Variants in HP1BP3 observed in about 807,000 individuals in gnomAD.
The protein encoded by HP1BP3 is heterochromatin protein 1-binding protein 3.
A neutral mutation model predicts 62.5 loss-of-function variants in HP1BP3; 12 were observed. That is an observed-to-expected ratio of 0.19 (90% CI 0.12 to 0.31). HP1BP3 has a LOEUF of 0.31. HP1BP3 is among the 10% of genes least tolerant of loss of function. The pLI, the probability that HP1BP3 is intolerant of heterozygous loss-of-function variation, is 1.00. For synonymous variants in HP1BP3, 260 were observed against 237.8 expected (o/e 1.09, Z -0.86); for missense variants, 502 against 651.8 (o/e 0.77, Z 2.50).
chr1:20,752,408 C>T (rs1339653967), intron 9 of HP1BP3, among the ~76,000 whole-genome samples: 4 of 151,938 alleles, frequency 2.6e-5, no homozygotes, highest in East Asian at 2.0e-4. Context: ...GATTCTCCTG[C>T]GTCTACCTCC....
intron 11 of HP1BP3, among the ~76,000 whole-genome samples, chr1:20,745,898 C>A (rs970034496): frequency 3.9e-5 from 6 of 152,166 alleles, no homozygotes; most frequent in African/African-American, 1.4e-4. Flanking sequence ...TAAAATTAAT[C>A]CATAGTCATT....
At chr1:20,782,096 C>T (rs1188148245) in intron 1 of HP1BP3, among the ~76,000 whole-genome samples, 1 of 152,082 alleles carries the variant, frequency 6.6e-6, no homozygotes, top group African/African-American at 2.4e-5. Flanking sequence ...AAAATGCTAC[C>T]GTGAAGTCAA....
chr1:20,783,769 C>CAAAAAAAAAA (rs1164930528), intron 1 of HP1BP3, among the ~76,000 whole-genome samples: 1 of 53,136 alleles, frequency 1.9e-5, no homozygotes, highest in Non-Finnish European at 3.2e-5. Flanking sequence ...GACTCTGTCT[C>CAAAAAAAAAA]AAAAAAAAAA....
intron 6 of HP1BP3, among the ~76,000 whole-genome samples, chr1:20,770,358 T>C (rs940390660): frequency 6.6e-6 from 1 of 152,210 alleles, no homozygotes; most frequent in Non-Finnish European, 1.5e-5. Flanking sequence ...GGTCTCACTC[T>C]CACCGAGGCT....
chr1:20,756,642 T>C (rs1024665985), intron 9 of HP1BP3, among the ~76,000 whole-genome samples: 3 of 152,204 alleles, frequency 2.0e-5, no homozygotes, highest in Non-Finnish European at 4.4e-5. Context: ...TATGTTAATA[T>C]GTAATGGGTT....
intron 10 of HP1BP3, 137 bp from the exon 11 acceptor site, chr1:20,747,792 T>A (rs2055433643): frequency 1.6e-6 from 1 of 611,160 alleles, no homozygotes; most frequent in Non-Finnish European, 2.9e-6. Context: ...TCCTATGTGT[T>A]CAAAGGTATT....
chr1:20,746,722 T>C (rs979731477), intron 11 of HP1BP3, among the ~76,000 whole-genome samples: 2 of 152,172 alleles, frequency 1.3e-5, no homozygotes, highest in African/African-American at 4.8e-5. Context: ...GTCAATGTTC[T>C]CCCCACTTGG....
intron 4 of HP1BP3, 138 bp downstream of exon 4, chr1:20,776,459 C>A: frequency 1.3e-6 from 1 of 749,990 alleles, no homozygotes; most frequent in Non-Finnish European, 2.2e-6. Context: ...AAACCTATTT[C>A]AAATGGTAAT....
intron 7 of HP1BP3, among the ~76,000 whole-genome samples, chr1:20,767,086 A>G (rs1470979459): frequency 6.6e-6 from 1 of 152,194 alleles, no homozygotes; most frequent in Non-Finnish European, 1.5e-5. Flanking sequence ...TGGGAGGCAG[A>G]GGCGGGCAGA....
chr1:20,776,885 G>T, intron 3 of HP1BP3, 135 bp from the exon 4 acceptor site: 1 of 664,808 alleles, frequency 1.5e-6, no homozygotes, highest in Non-Finnish European at 2.4e-6. Context: ...GAAAATGAAT[G>T]ACCACTAATG....
rs2055123533 is a variant in HP1BP3 at position 20,742,901 on chromosome 1, A to G, written c.*1896T>C. ...ATCCCAGGAGACAAAAGTGGAATGA[A>G]TAAGAAACAAACATCTTTTGCCTCT... On this transcript the variant is annotated 3_prime_UTR_variant, in exon 13 of 13. Transcript: ENST00000438032. 1 of 152,614 alleles carries G rather than the reference A, an allele frequency of 6.6e-6. No homozygotes were observed. Among genetic ancestry groups the G allele is most frequent in the Non-Finnish European group, 1.5e-5 (1 of 68,028 alleles). The allele number at this position is 152,614 out of a possible 1,614,324, so 9.5% of individuals were successfully genotyped here.
chr1:20,775,714 A>T (rs1570660018), intron 4 of HP1BP3: 1 of 352,640 alleles, frequency 2.8e-6, no homozygotes, highest in East Asian at 4.2e-5. Flanking sequence ...TTAAATACAC[A>T]AATACTTACC....
chr1:20,778,159 A>AT (rs2057385011), intron 3 of HP1BP3, among the ~76,000 whole-genome samples: 3 of 152,028 alleles, frequency 2.0e-5, no homozygotes, highest in Non-Finnish European at 2.9e-5. Flanking sequence ...AGACTTATAA[A>AT]TTTACATTAT....
intron 8 of HP1BP3, among the ~76,000 whole-genome samples, chr1:20,762,578 T>C (rs1482021326): frequency 6.6e-6 from 1 of 152,166 alleles, no homozygotes; most frequent in East Asian, 1.9e-4. Flanking sequence ...AAGTCATTCA[T>C]CTGCTGAGAT....
chr1:20,764,185 T>C (rs990744635), intron 8 of HP1BP3, among the ~76,000 whole-genome samples: 3 of 152,230 alleles, frequency 2.0e-5, no homozygotes, highest in Non-Finnish European at 4.4e-5. Context: ...TACACTTTTT[T>C]TTCTTACAAC....
intron 9 of HP1BP3, chr1:20,755,254 C>T (rs746180281): frequency 5.9e-6 from 2 of 341,654 alleles, no homozygotes; most frequent in African/African-American, 2.1e-5. Context: ...GAGTAACAAA[C>T]GTTGAGGAGG....
chr1:20,770,371 A>G (rs2057002136), intron 6 of HP1BP3, among the ~76,000 whole-genome samples: 1 of 152,178 alleles, frequency 6.6e-6, no homozygotes. Flanking sequence ...CCGAGGCTGG[A>G]GTGGTGAGAT....
chr1:20,777,925 A>G (rs1254396123), intron 3 of HP1BP3, among the ~76,000 whole-genome samples: 2 of 152,218 alleles, frequency 1.3e-5, no homozygotes, highest in South Asian at 2.1e-4. Context: ...GAACTTCACT[A>G]TAACAATGGT....
intron 9 of HP1BP3, among the ~76,000 whole-genome samples, chr1:20,756,691 A>G (rs1273341647): frequency 4.6e-5 from 7 of 152,116 alleles, no homozygotes; most frequent in Admixed American, 4.6e-4. Flanking sequence ...AAATATTTAA[A>G]TTTTTCCTCA....
Sources: allele counts gnomAD v4.1 joint callset (sites outside exome capture counted in the v4.1 genomes callset), GRCh38; gene constraint gnomAD v4.1.1; transcripts MANE v1.5; gene names NCBI Gene and HGNC (gene_info 2026-07-23, HGNC 2026-07-21).